Variants in CMTM1 observed in about 807,000 individuals in gnomAD.
CMTM1 encodes the protein CKLF like MARVEL transmembrane domain containing 1.
A neutral mutation model predicts 17.8 loss-of-function variants in CMTM1; 16 were observed. The observed-to-expected ratio is 0.90, with a 90% CI of 0.61 to 1.37. The LOEUF is 1.37. Ranked by LOEUF, CMTM1 falls within the 40% of genes most tolerant of loss-of-function variation. The pLI is 0.00. For missense variants in CMTM1, 354 were observed against 375.6 expected (o/e 0.94, Z 0.47); for synonymous variants, 169 against 154.6 (o/e 1.09, Z -0.69).
intron 3 of CMTM1, 115 bp downstream of exon 3, chr16:66,577,317 C>A: frequency 1.4e-6 from 1 of 735,788 alleles, no homozygotes; most frequent in Non-Finnish European, 2.3e-6. Flanking sequence ...GCCACCCACT[C>A]TCCTTCTTGC....
intron 1 of CMTM1, 124 bp downstream of exon 1, chr16:66,567,069 G>C (rs2012568290): frequency 2.0e-6 from 2 of 1,024,680 alleles, no homozygotes; most frequent in Non-Finnish European, 3.0e-6. Flanking sequence ...CCTTTGTTTT[G>C]CCTCACCTTT....
At chr16:66,574,987 G>C in intron 2 of CMTM1, 1 of 985,428 alleles carries the variant, frequency 1.0e-6, no homozygotes, top group Non-Finnish European at 1.2e-6. Flanking sequence ...GCCTCAGTCA[G>C]GCCTGCCCAC....
chr16:66,578,749 A>G, intron 3 of CMTM1, 82 bp from the exon 4 acceptor site: 1 of 1,552,640 alleles, frequency 6.4e-7, no homozygotes. Context: ...CCCACCCTGG[A>G]TAGGGATAGG....
intron 2 of CMTM1, among the ~76,000 whole-genome samples, chr16:66,576,618 C>T (rs1423223093): frequency 6.6e-6 from 1 of 152,134 alleles, no homozygotes; most frequent in Admixed American, 6.5e-5. Flanking sequence ...AGAGCGTTGG[C>T]TTTACCTGCA....
intron 3 of CMTM1, among the ~76,000 whole-genome samples, chr16:66,578,455 C>T (rs942612650): frequency 6.6e-6 from 1 of 152,186 alleles, no homozygotes; most frequent in African/African-American, 2.4e-5. Flanking sequence ...TCCTCCTCCT[C>T]CCCTTAGGAA....
At chr16:66,571,380 T>A (rs2013509581) in intron 2 of CMTM1, 1 of 336,644 alleles carries the variant, frequency 3.0e-6, no homozygotes, top group Non-Finnish European at 5.8e-6. Context: ...CACCCCTCAT[T>A]TAACAGATGA....
intron 1 of CMTM1, among the ~76,000 whole-genome samples, chr16:66,567,732 G>A (rs2012803465): frequency 6.6e-6 from 1 of 152,162 alleles, no homozygotes; most frequent in Non-Finnish European, 1.5e-5. Flanking sequence ...AAAAAAGGGG[G>A]AAGAAAAGAC....
intron 3 of CMTM1, among the ~76,000 whole-genome samples, chr16:66,578,152 G>A (rs552834229): frequency 5.9e-5 from 9 of 152,264 alleles, no homozygotes; most frequent in South Asian, 4.2e-4. Context: ...GGTCCCCATC[G>A]GCTGACTCCG....
chr16:66,576,687 A>G (rs576725423), intron 2 of CMTM1, among the ~76,000 whole-genome samples: 7 of 152,352 alleles, frequency 4.6e-5, no homozygotes, highest in Non-Finnish European at 8.8e-5. Context: ...TTATTTTTAT[A>G]TTAAAACAAA....
intron 2 of CMTM1, among the ~76,000 whole-genome samples, chr16:66,574,283 C>A (rs1352797183): frequency 1.3e-5 from 2 of 152,154 alleles, no homozygotes; most frequent in African/African-American, 2.4e-5. Context: ...GCAATTTTAA[C>A]ACAGCCATCA....
At chr16:66,570,967 G>A (rs967110894) in intron 2 of CMTM1, among the ~76,000 whole-genome samples, 1 of 152,198 alleles carries the variant, frequency 6.6e-6, no homozygotes, top group Non-Finnish European at 1.5e-5. Context: ...TCTGTCTTGC[G>A]CTGTGAACAA....
intron 2 of CMTM1, among the ~76,000 whole-genome samples, chr16:66,573,805 G>A (rs1277438818): frequency 6.7e-6 from 1 of 149,346 alleles, no homozygotes; most frequent in Non-Finnish European, 1.5e-5. Flanking sequence ...TCCTGCCTCA[G>A]CCTCCTGAGT....
chr16:66,567,157 T>C lies in CMTM1; in HGVS notation c.432+212T>C, dbSNP rs755816806. The C allele has an allele frequency of 1.6e-3, 956 of 595,200 alleles. 2 individuals are homozygous for C. The African/African-American group carries it at 0.016, about 10-fold the overall frequency. The allele number at this position is 595,200 out of a possible 1,614,324, so 36.9% of individuals were successfully genotyped here. ...CCTCTTTTTTTCCCTATTTTTTCTT[T>C]TTTTTTTTTTTTTATTATACTTTAA... On this transcript the variant is annotated intron_variant, in intron 1 of 3. Coordinates refer to ENST00000379500, the MANE Select transcript of CMTM1 (RefSeq NM_052999.4).
At chr16:66,570,942 G>GGTGGC (rs1208733305) in intron 2 of CMTM1, among the ~76,000 whole-genome samples, 1 of 152,190 alleles carries the variant, frequency 6.6e-6, no homozygotes, top group East Asian at 1.9e-4. Flanking sequence ...CAGATAGCTG[G>GGTGGC]GTGGCGTTTG....
chr16:66,569,935 G>A lies in CMTM1; in HGVS notation c.433-1G>A. 7 of 1,575,354 alleles carry A rather than the reference G, an allele frequency of 4.4e-6. No homozygotes were observed. The highest frequency in any genetic ancestry group is 6.0e-6 in the Non-Finnish European group (7 of 1,167,186). On this transcript the variant is annotated splice_acceptor_variant, in intron 1 of 3. Coordinates refer to ENST00000379500, the MANE Select transcript of CMTM1 (RefSeq NM_052999.4). LOFTEE classifies it high-confidence loss of function. ...AACAAATCCTGTTTCTTTTATTGCA[G>A]AGTCTTATCTTAGGAGCATTAGCTT...
chr16:66,577,934 C>T (rs1443384963), intron 3 of CMTM1, among the ~76,000 whole-genome samples: 1 of 152,224 alleles, frequency 6.6e-6, no homozygotes, highest in Admixed American at 6.5e-5. Flanking sequence ...CAATAAATAT[C>T]TGTCAATCCC....
At position 66,577,091 on chromosome 16, in the gene CMTM1, T is replaced by G; in HGVS notation, c.592-13T>G. 1 of 1,604,852 alleles carries G rather than the reference T, an allele frequency of 6.2e-7. No individual in the cohort carries two copies. The highest frequency in any genetic ancestry group is 8.5e-7 in the Non-Finnish European group (1 of 1,174,500). ...GTTGTGTAAACTTGATAATTTTCAA[T>G]TCTTTATTACAGGATCTTACCAACA... On this transcript the variant is annotated splice_polypyrimidine_tract_variant and intron_variant, in intron 2 of 3. Coordinates refer to ENST00000379500, the MANE Select transcript of CMTM1 (RefSeq NM_052999.4).
rs1437989099 is a variant in CMTM1, at chr16:66,579,083, C to T, written c.*82C>T. On this transcript the variant is annotated 3_prime_UTR_variant, in exon 4 of 4. Coordinates refer to ENST00000379500, the MANE Select transcript of CMTM1 (RefSeq NM_052999.4). This position sits in a 1 kb window ranked among gnomAD's most constrained non-coding sequence, Gnocchi z 6.5. ...CACCCCCGAGCTCGCATGCTGTCAC[C>T]CATTCCAGCCTAAATGTGACCATAA... The T allele has an allele frequency of 6.5e-7, 1 of 1,541,516 alleles. No individual in the cohort carries two copies. The highest frequency in any genetic ancestry group is 8.7e-7 in the Non-Finnish European group (1 of 1,143,682).
chr16:66,578,036 G>A (rs2014465258), intron 3 of CMTM1, among the ~76,000 whole-genome samples: 1 of 152,192 alleles, frequency 6.6e-6, no homozygotes, highest in East Asian at 1.9e-4. Flanking sequence ...GACATACCTA[G>A]GAAAAGCTCA....
Sources: gnomAD v4.1 joint callset for allele counts (sites outside exome capture counted in the v4.1 genomes callset) on GRCh38, gnomAD v4.1.1 for gene constraint, Gnocchi (gnomAD v3.1) non-coding constraint, MANE v1.5 for transcripts, NCBI Gene and HGNC (gene_info 2026-07-23, HGNC 2026-07-21) for gene names.